ZNF184: variants seen among roughly 807,000 people sequenced by gnomAD.
ZNF184 encodes the protein zinc finger protein 184.
In ZNF184, 16 loss-of-function variants were observed where a neutral mutation model predicts 54.4. The observed-to-expected ratio is 0.29, with a 90% CI of 0.20 to 0.45. ZNF184 has a LOEUF of 0.45. ZNF184 is among the 20% of genes least tolerant of loss of function. The probability of loss-of-function intolerance (pLI) is 1.00; values close to 1 mark genes in which losing one functional copy is unlikely to be tolerated. For synonymous variants in ZNF184, 254 were observed against 295.3 expected (o/e 0.86, Z 1.43); for missense variants, 681 against 888.2 (o/e 0.77, Z 2.97).
chr6:27,419,720 C>G, the ZNF184 span, among the ~76,000 whole-genome samples: 2 of 152,092 alleles, frequency 1.3e-5, no homozygotes, highest in Non-Finnish European at 2.9e-5. This position sits in a 1 kb window ranked among gnomAD's most constrained non-coding sequence, Gnocchi z 4.8. Flanking sequence ...AGCAAATCCA[C>G]TAAAATATAT....
At chr6:27,458,648 C>T (rs1762924718) in intron 3 of ZNF184, among the ~76,000 whole-genome samples, 1 of 151,836 alleles carries the variant, frequency 6.6e-6, no homozygotes. Context: ...TTAGTACAAC[C>T]ATTATGGAAA....
rs1290417826 is a variant in ZNF184, at chr6:27,472,319, G to A, written c.-25C>T. The A allele has an allele frequency of 1.2e-6, 2 of 1,613,836 alleles. No homozygotes were observed. Among genetic ancestry groups the A allele is most frequent in the Non-Finnish European group, 1.7e-6 (2 of 1,179,946 alleles). Reference sequence around the variant, plus strand: ...TCTCAGGAGCTCATCCCGTTCCTCTGGAACTTGAACACCAGGGTTCGCCAG... The same window carrying A: ...TCTCAGGAGCTCATCCCGTTCCTCTAGAACTTGAACACCAGGGTTCGCCAG... On this transcript the variant is annotated 5_prime_UTR_variant, in exon 2 of 6. Transcript: ENST00000683788. This position sits in a 1 kb window ranked among gnomAD's most constrained non-coding sequence, Gnocchi z 4.8.
chr6:27,450,107 G>T (rs1160683470), downstream of ZNF184, among the ~76,000 whole-genome samples: 1 of 152,166 alleles, frequency 6.6e-6, no homozygotes, highest in Non-Finnish European at 1.5e-5. Flanking sequence ...ACAAAAACCA[G>T]GATCATGTGA....
At chr6:27,410,082 C>G in the ZNF184 span, among the ~76,000 whole-genome samples, 1 of 152,124 alleles carries the variant, frequency 6.6e-6, no homozygotes, top group South Asian at 2.1e-4. Context: ...GCCATATAGT[C>G]TAGGTGTGTA....
Position 27,453,220 on chromosome 6 carries a change from C to A in ZNF184, c.339G>T (p.Glu113Asp). The A allele has an allele frequency of 6.2e-7, 1 of 1,611,206 alleles. No homozygotes were observed. Among genetic ancestry groups the A allele is most frequent in the Non-Finnish European group, 8.5e-7 (1 of 1,178,988 alleles). ...ATAGCTCTTCTTCAGAAATGTCAGG[C>A]TCTGGGGCTGACACACTATTTTCAA... ...TRLENSVSAP[E>D]PDISEEELSP... Residue 113 changes from glutamate to aspartate, a missense_variant, in exon 6 of 6, where the codon GAG becomes GAT. By Grantham distance (45) the Glu-to-Asp change is conservative. Transcript: ENST00000683788. This position sits in a 1 kb window ranked among gnomAD's most constrained non-coding sequence, Gnocchi z 4.7.
chr6:27,437,676 G>C, the ZNF184 span, among the ~76,000 whole-genome samples: 1 of 152,204 alleles, frequency 6.6e-6, no homozygotes, highest in Admixed American at 6.5e-5. Flanking sequence ...TATTACAGCT[G>C]TCATCTGAAC....
At position 27,467,894 on chromosome 6, in the gene ZNF184, G is replaced by A. The variant is rs756596895; in HGVS notation, c.34C>T (p.Leu12Phe). ...GAGAGTAGATTATGTCCCCCTTGGA[G>A]AAGGGTGGAGTCTGGAGAGGACAGA... ...EDLSSPDSTLLQGGHNLLSSA... is the reference protein window; with the variant it reads ...EDLSSPDSTLFQGGHNLLSSA... The change falls in exon 3 of 6, where the codon CTC (leucine) becomes TTC (phenylalanine). Residue 12 changes from leucine to phenylalanine, a missense_variant. Leu to Phe is a conservative substitution (Grantham distance 22). Coordinates refer to ENST00000683788, the MANE Select transcript of ZNF184 (RefSeq NM_001318891.2). 6.8e-6 allele frequency: 11 copies of A among 1,612,114 alleles called. No individual in the cohort carries two copies. The highest frequency in any genetic ancestry group is 6.6e-5 in the South Asian group (6 of 90,714).
At position 27,457,290 on chromosome 6, in the gene ZNF184, G is replaced by T; in HGVS notation, c.195C>A (p.Val65=). 1 of 1,613,946 alleles carries T rather than the reference G, an allele frequency of 6.2e-7. No homozygotes were observed. The highest frequency in any genetic ancestry group is 8.5e-7 in the Non-Finnish European group (1 of 1,179,944). ...CAGAGAAATTATCCTTACCTATAGA[G>T]ACCAGGTGTGTATAATTTTCCAATG... ...DVTLENYTHL[V]SIGLQVSKPD... Residue 65 remains valine, a synonymous_variant, in exon 4 of 6, where the codon GTC becomes GTA. Transcript: ENST00000683788.
the ZNF184 span, among the ~76,000 whole-genome samples, chr6:27,424,903 C>T: frequency 1.3e-5 from 2 of 152,132 alleles, no homozygotes. Context: ...GAGGCTCGGG[C>T]GGCACAGGAG....
the ZNF184 span, among the ~76,000 whole-genome samples, chr6:27,409,225 G>A: frequency 2.0e-5 from 3 of 152,068 alleles, no homozygotes; most frequent in Non-Finnish European, 4.4e-5. Context: ...ATGGCTGAGC[G>A]CAGGTGGCTC....
chr6:27,449,895 T>C (rs1276712663), downstream of ZNF184, among the ~76,000 whole-genome samples: 1 of 151,802 alleles, frequency 6.6e-6, no homozygotes, highest in Non-Finnish European at 1.5e-5. Context: ...GACCAAGAAA[T>C]GGTTTAAAAT....
At chr6:27,427,720 T>G in the ZNF184 span, among the ~76,000 whole-genome samples, 1 of 152,232 alleles carries the variant, frequency 6.6e-6, no homozygotes, top group Non-Finnish European at 1.5e-5. Flanking sequence ...CACAAACTAA[T>G]GTGTCCAAAA....
the ZNF184 span, among the ~76,000 whole-genome samples, chr6:27,410,595 G>A: frequency 1.3e-5 from 2 of 152,068 alleles, no homozygotes; most frequent in African/African-American, 2.4e-5. Flanking sequence ...GCAGTGGTGC[G>A]ATCTCAGCTC....
intron 3 of ZNF184, among the ~76,000 whole-genome samples, chr6:27,458,399 C>G (rs945245182): frequency 5.4e-5 from 8 of 149,522 alleles, no homozygotes; most frequent in African/African-American, 2.0e-4. Flanking sequence ...GACTAATATC[C>G]AGAATATACT....
At chr6:27,467,971 C>T in intron 2 of ZNF184, 51 bp from the exon 3 acceptor site, 2 of 1,384,228 alleles carry the variant, frequency 1.4e-6, no homozygotes, top group Non-Finnish European at 9.9e-7. Flanking sequence ...TAGCCATTCC[C>T]AGCAATCCAT....
chr6:27,459,779 T>A (rs1488481762), intron 3 of ZNF184, among the ~76,000 whole-genome samples: 3 of 152,166 alleles, frequency 2.0e-5, no homozygotes, highest in South Asian at 4.1e-4. Context: ...AATAGGATAG[T>A]GGTTAAAAAA....
the ZNF184 span, among the ~76,000 whole-genome samples, chr6:27,423,083 G>T: frequency 6.6e-6 from 1 of 152,244 alleles, no homozygotes; most frequent in Non-Finnish European, 1.5e-5. Context: ...TCCTCTTTGC[G>T]CTGCCTCTTG....
At chr6:27,423,331 CTTCTT>C in the ZNF184 span, among the ~76,000 whole-genome samples, 25 of 152,018 alleles carry the variant, frequency 1.6e-4, no homozygotes, top group African/African-American at 2.4e-5. Context: ...ACAGGAATAG[CTTCTT>C]TTCATTTCTT....
At chr6:27,430,005 AG>A in the ZNF184 span, among the ~76,000 whole-genome samples, 1 of 152,220 alleles carries the variant, frequency 6.6e-6, no homozygotes, top group Non-Finnish European at 1.5e-5. Flanking sequence ...GACAAGGCAA[AG>A]GGGGTTGGGC....
Sources: allele counts gnomAD v4.1 joint callset (sites outside exome capture counted in the v4.1 genomes callset), GRCh38; gene constraint gnomAD v4.1.1; non-coding constraint Gnocchi (gnomAD v3.1); transcripts MANE v1.5; gene names NCBI Gene and HGNC (gene_info 2026-07-23, HGNC 2026-07-21).